Variants in SATL1 observed in about 807,000 individuals in gnomAD.
SATL1 encodes the protein spermidine/spermine N(1)-acetyltransferase-like protein 1.
In SATL1, 47 loss-of-function variants were observed where a neutral mutation model predicts 51.8. The ratio of observed to expected loss-of-function variants is 0.91; its 90% confidence interval spans 0.72 to 1.16. The LOEUF is 1.16. SATL1 is among the 50% of genes most tolerant of loss of function. The pLI is 0.00. For synonymous variants in SATL1, 176 were observed against 182.4 expected (o/e 0.97, Z 0.28); for missense variants, 520 against 526.4 (o/e 0.99, Z 0.12).
At chrX:85,131,577 A>T (rs996108059) in intron 2 of SATL1, among the ~76,000 whole-genome samples, 1 of 110,934 alleles carries the variant, frequency 9.0e-6, no homozygotes, top group African/African-American at 3.3e-5. Context: ...AATACAGCAC[A>T]CTGAAGGGTA....
At chrX:85,107,284 C>G (rs762841112) in intron 3 of SATL1, 44 bp downstream of exon 3, 14 of 1,104,827 alleles carry the variant, frequency 1.3e-5, no homozygotes, top group Non-Finnish European at 1.7e-5. Context: ...TCTTTCAGCC[C>G]TACACCAATG....
intron 2 of SATL1, among the ~76,000 whole-genome samples, chrX:85,111,648 T>C (rs185119134): frequency 8.9e-6 from 1 of 112,383 alleles, no homozygotes; most frequent in African/African-American, 3.2e-5. Flanking sequence ...AACAGAAAAT[T>C]TATAAAAGCC....
chrX:85,182,336 T>C (rs1927223227), intron 2 of SATL1, among the ~76,000 whole-genome samples: 1 of 111,804 alleles, frequency 8.9e-6, no homozygotes, highest in Middle Eastern at 4.7e-3. Context: ...AGTGAGAACA[T>C]GCACTATCTA....
chrX:85,140,908 G>T (rs1239458154), intron 2 of SATL1, among the ~76,000 whole-genome samples: 1 of 111,931 alleles, frequency 8.9e-6, no homozygotes, highest in Non-Finnish European at 1.9e-5. Flanking sequence ...AAACAGCAAA[G>T]ATTTATTAAT....
At chrX:85,184,077 G>C (rs1270259404) in intron 2 of SATL1, among the ~76,000 whole-genome samples, 14 of 111,314 alleles carry the variant, frequency 1.3e-4, no homozygotes, top group Admixed American at 9.6e-4. Flanking sequence ...TTCACTTAAT[G>C]CCCTTCAGTT....
Position 85,107,938 on chromosome X carries a change from G to A in SATL1, c.1031C>T (p.Ala344Val), listed in dbSNP as rs777603669. The A allele has an allele frequency of 9.1e-6, 11 of 1,207,519 alleles. No individual in the cohort carries two copies. Among genetic ancestry groups the A allele is most frequent in the Middle Eastern group, 2.3e-4 (1 of 4,352 alleles). ...CGGTGGACCTGGTTGGCTTATGCTT[G>A]CTTCACTCAGGACTAGTTCGCTCAG... ...QSLSELVLSEASISQPGPPQR... is the reference protein window; with the variant it reads ...QSLSELVLSEVSISQPGPPQR... The change falls in exon 3 of 8, where the codon GCA (alanine) becomes GTA (valine). Residue 344 changes from alanine (A) to valine (V), a missense_variant. Transcript: ENST00000644105.
At chrX:85,163,033 T>A (rs1308308396) in intron 2 of SATL1, among the ~76,000 whole-genome samples, 4 of 109,692 alleles carry the variant, frequency 3.6e-5, no homozygotes, top group Non-Finnish European at 7.6e-5. Context: ...TTCCTGGTTT[T>A]GGTATTTGGG....
intron 2 of SATL1, among the ~76,000 whole-genome samples, chrX:85,223,718 A>G (rs1354556662): frequency 9.0e-6 from 1 of 111,488 alleles, no homozygotes; most frequent in Non-Finnish European, 1.9e-5. Flanking sequence ...TGTGATAGGC[A>G]TAGGGATCAG....
intron 2 of SATL1, among the ~76,000 whole-genome samples, chrX:85,120,922 A>G (rs764856954): frequency 8.9e-6 from 1 of 111,749 alleles, no homozygotes; most frequent in Admixed American, 9.5e-5. Context: ...GCTGGAGTAT[A>G]TAAAATCTTG....
At chrX:85,160,187 G>A (rs1926688322) in intron 2 of SATL1, among the ~76,000 whole-genome samples, 1 of 110,398 alleles carries the variant, frequency 9.1e-6, no homozygotes. Flanking sequence ...AAATCTAGAG[G>A]ACAGCGACTT....
At chrX:85,174,043 G>A (rs1927035709) in intron 2 of SATL1, among the ~76,000 whole-genome samples, 1 of 107,933 alleles carries the variant, frequency 9.3e-6, no homozygotes, top group East Asian at 3.0e-4. Context: ...CTGTCCTTGT[G>A]ATAGTTTGCT....
Position 85,174,326 on chromosome X carries a change from T to A in SATL1, c.-313+49879A>T, listed in dbSNP as rs368268196. Among the ~76,000 whole-genome samples the A allele has an allele frequency of 1.4e-3, 136 of 100,127 alleles. 3 individuals are homozygous for A. The East Asian group carries it at 0.033, about 24-fold the overall frequency. The allele number at this position is 100,127 out of a possible 115,157, so 86.9% of individuals were successfully genotyped here. A position where few individuals can be genotyped will look rare whatever the true frequency, so the allele number is the denominator to read the frequency against. On this transcript the variant is annotated intron_variant, in intron 2 of 7. Coordinates refer to ENST00000644105, the MANE Select transcript of SATL1 (RefSeq NM_001367857.2). ...AGTATAAGACCTGTATGGATAAAAC[T>A]TTTTTTTTTTTTTGAGATGGAGTCT...
intron 2 of SATL1, among the ~76,000 whole-genome samples, chrX:85,162,837 T>C (rs768979594): frequency 9.0e-6 from 1 of 111,669 alleles, no homozygotes; most frequent in African/African-American, 3.2e-5. Context: ...ATGTGGTGTA[T>C]CACATTTGCT....
At chrX:85,209,069 A>G (rs1224673086) in intron 2 of SATL1, 2 of 111,982 alleles carry the variant, frequency 1.8e-5, no homozygotes, top group Admixed American at 9.5e-5. Flanking sequence ...TTTTTGTATA[A>G]GGTGTAAGGA....
At chrX:85,203,510 G>A (rs1416065974) in intron 2 of SATL1, among the ~76,000 whole-genome samples, 1 of 111,404 alleles carries the variant, frequency 9.0e-6, no homozygotes, top group Non-Finnish European at 1.9e-5. Context: ...CCCTCTCTCT[G>A]GGAGTACCAT....
In SATL1 at chrX:85,099,171, G is replaced by T. The variant is rs778740325; in HGVS notation, c.1694-4175C>A. Among the ~76,000 whole-genome samples, 6 of 111,036 alleles carry T rather than the reference G, an allele frequency of 5.4e-5. No homozygotes were observed. The Admixed American group carries it at 5.8e-4, about 11-fold the overall frequency. On this transcript the variant is annotated intron_variant, in intron 4 of 7. Transcript: ENST00000644105. ...ACAAATTAGATAACCTAGAAGAAAT[G>T]GACACATTCCTTCAAACATGCAAAT...
At chrX:85,188,505 G>A (rs995436486) in intron 2 of SATL1, among the ~76,000 whole-genome samples, 3 of 111,225 alleles carry the variant, frequency 2.7e-5, no homozygotes, top group Non-Finnish European at 5.7e-5. Context: ...TTGCACCTGG[G>A]CGCAGTGGCT....
Position 85,108,831 on chromosome X carries a change from T to C in SATL1, c.138A>G (p.Gln46=), listed in dbSNP as rs1433289542. The change falls in exon 3 of 8, where the codon CAA becomes CAG. Residue 46 remains glutamine (Q), a synonymous_variant. Transcript: ENST00000644105. ...QGSASLYEMN[Q]VDMKQPSMSQ... ...TCATGCTTGGTTGTTTCATGTCCAC[T>C]TGGTTCATTTCATATAGGCTTGCAC... The C allele has an allele frequency of 8.3e-7, 1 of 1,211,929 alleles. No homozygotes were observed. The highest frequency in any genetic ancestry group is 1.1e-6 in the Non-Finnish European group (1 of 895,568).
chrX:85,177,324 A>C (rs1602891967), intron 2 of SATL1, among the ~76,000 whole-genome samples: 1 of 112,210 alleles, frequency 8.9e-6, no homozygotes, highest in East Asian at 2.8e-4. Flanking sequence ...AAGCTGAGTC[A>C]AAGTAATATG....
Sources: allele counts gnomAD v4.1 joint callset (sites outside exome capture counted in the v4.1 genomes callset), GRCh38; gene constraint gnomAD v4.1.1; transcripts MANE v1.5; gene names NCBI Gene and HGNC (gene_info 2026-07-23, HGNC 2026-07-21).